The following NALF1 variants were observed in gnomAD, a reference collection of about 807,000 sequenced individuals.
The protein encoded by NALF1 is NALCN channel auxiliary factor 1, also known as family with sequence similarity 155 member A.
Under a neutral mutation model 48.4 loss-of-function variants are expected in NALF1, and 3 were observed. That is an observed-to-expected ratio of 0.06 (90% confidence interval 0.03 to 0.16). The LOEUF (loss-of-function observed/expected upper bound fraction) is 0.16. Ranked by LOEUF, NALF1 falls within the 10% of genes least tolerant of loss-of-function variation. NALF1 has a pLI of 1.00. For synonymous variants in NALF1, 262 were observed against 245.7 expected (o/e 1.07, Z -0.62); for missense variants, 526 against 571.5 (o/e 0.92, Z 0.81).
intron 1 of NALF1, among the ~76,000 whole-genome samples, chr13:107,818,691 T>C (rs1879250429): frequency 6.7e-6 from 1 of 150,110 alleles, no homozygotes; most frequent in East Asian, 2.0e-4. Flanking sequence ...GCTAACACGG[T>C]GAAACCCCGT....
chr13:107,699,466 C>A (rs4772911), intron 1 of NALF1, among the ~76,000 whole-genome samples: 142,833 of 152,190 alleles, frequency 0.94, 67,503 homozygotes, highest in Non-Finnish European at 1. Flanking sequence ...TAAAACAGGC[C>A]ACTGAAAGGA....
Position 107,569,966 on chromosome 13 carries a change from T to C in NALF1, c.915+295716A>G, listed in dbSNP as rs138817607. Among the ~76,000 whole-genome samples, 28 of 152,256 alleles carry C rather than the reference T, an allele frequency of 1.8e-4. 1 individual carries two copies. The East Asian group carries it at 5.4e-3, about 29-fold the overall frequency. On this transcript the variant is annotated intron_variant, in intron 1 of 2. Transcript: ENST00000375915. ...CCTTTGAAAAACTGCAAAGACATTG[T>C]ATTTTTTTTAAAAAAAATCTCTGTT...
chr13:107,647,691 A>G (rs1371948631), intron 1 of NALF1, among the ~76,000 whole-genome samples: 1 of 152,106 alleles, frequency 6.6e-6, no homozygotes, highest in African/African-American at 2.4e-5. Flanking sequence ...TCAATTTGTC[A>G]TAAATAAATA....
chr13:107,784,005 C>T (rs1031518120), intron 1 of NALF1, among the ~76,000 whole-genome samples: 49 of 152,084 alleles, frequency 3.2e-4, no homozygotes, highest in African/African-American at 1.0e-3. Flanking sequence ...GCTGATTCCA[C>T]ACAACCGCTC....
chr13:107,555,787 T>C (rs545807429), intron 1 of NALF1, among the ~76,000 whole-genome samples: 1 of 152,170 alleles, frequency 6.6e-6, no homozygotes, highest in African/African-American at 2.4e-5. Context: ...GGGGAAAGCC[T>C]CTTTCAAATA....
chr13:107,305,266 G>A (rs528712143), intron 1 of NALF1, among the ~76,000 whole-genome samples: 2 of 152,236 alleles, frequency 1.3e-5, no homozygotes, highest in Non-Finnish European at 2.9e-5. Context: ...TTGCATTAAA[G>A]AAAACCACAT....
At chr13:107,778,260 C>T (rs769513570) in intron 1 of NALF1, among the ~76,000 whole-genome samples, 1 of 152,140 alleles carries the variant, frequency 6.6e-6, no homozygotes. Context: ...CTTCCTCCAT[C>T]CCTTGGTGTA....
chr13:107,430,513 C>T (rs1396831304), intron 1 of NALF1, among the ~76,000 whole-genome samples: 5 of 152,008 alleles, frequency 3.3e-5, no homozygotes, highest in African/African-American at 7.2e-5. Context: ...TGTGTTCTCA[C>T]TGTTCAATTC....
chr13:107,758,744 A>C (rs2138559379), intron 1 of NALF1, among the ~76,000 whole-genome samples: 1 of 152,282 alleles, frequency 6.6e-6, no homozygotes, highest in South Asian at 2.1e-4. Flanking sequence ...AAAAAGAAAA[A>C]GAAAAGCACG....
chr13:107,467,030 T>C (rs956684131), intron 1 of NALF1, among the ~76,000 whole-genome samples: 2 of 152,226 alleles, frequency 1.3e-5, no homozygotes, highest in South Asian at 4.1e-4. Context: ...CAATGATGCA[T>C]AGTAATTTCT....
At chr13:107,435,207 GGC>G (rs1409080919) in intron 1 of NALF1, among the ~76,000 whole-genome samples, 1 of 151,978 alleles carries the variant, frequency 6.6e-6, no homozygotes, top group Non-Finnish European at 1.5e-5. Context: ...GAACAAAATA[GGC>G]ATGTTCCTAT....
chr13:107,814,467 A>C (rs138091552), intron 1 of NALF1, among the ~76,000 whole-genome samples: 1 of 152,304 alleles, frequency 6.6e-6, no homozygotes, highest in Non-Finnish European at 1.5e-5. Context: ...AATAGTTTAA[A>C]AGTAAAAGGC....
chr13:107,629,979 G>A (rs1213332769), intron 1 of NALF1, among the ~76,000 whole-genome samples: 4 of 151,752 alleles, frequency 2.6e-5, no homozygotes, highest in South Asian at 2.1e-4. Context: ...CTAAAATATC[G>A]ATCATTCATC....
At chr13:107,250,379 T>C (rs1880673590) in intron 1 of NALF1, among the ~76,000 whole-genome samples, 1 of 152,118 alleles carries the variant, frequency 6.6e-6, no homozygotes, top group African/African-American at 2.4e-5. Flanking sequence ...GTATTCAAAA[T>C]ATTGCCCTCA....
intron 1 of NALF1, among the ~76,000 whole-genome samples, chr13:107,553,048 CATAAAT>C (rs1448606210): frequency 1.3e-5 from 2 of 151,940 alleles, no homozygotes; most frequent in Non-Finnish European, 2.9e-5. Context: ...GCTCAGCTCT[CATAAAT>C]ATAAATAGAT....
intron 1 of NALF1, among the ~76,000 whole-genome samples, chr13:107,812,785 C>A (rs543559563): frequency 6.6e-6 from 1 of 151,754 alleles, no homozygotes; most frequent in African/African-American, 2.4e-5. Flanking sequence ...TGTTGTTTTT[C>A]ATTTTTTTTG....
At chr13:107,552,027 T>C (rs1877308634) in intron 1 of NALF1, among the ~76,000 whole-genome samples, 1 of 152,120 alleles carries the variant, frequency 6.6e-6, no homozygotes. Context: ...AAGTAAAAAT[T>C]ATGAAAGTAA....
In NALF1 at chr13:107,493,425, A is replaced by T. The variant is rs117966621; in HGVS notation, c.916-282670T>A. On this transcript the variant is annotated intron_variant, in intron 1 of 2. Transcript: ENST00000375915. ...TTGACTTGGAGTCTTAGTGGATGAA[A>T]GTGCATGAGGTTAACTATATCACCT... Among the ~76,000 whole-genome samples, 411 of 152,236 alleles carry T rather than the reference A, an allele frequency of 2.7e-3. 4 individuals carry two copies. The East Asian group carries it at 0.039, about 15-fold the overall frequency.
chr13:107,617,626 C>G (rs1447627554), intron 1 of NALF1, among the ~76,000 whole-genome samples: 7 of 152,132 alleles, frequency 4.6e-5, no homozygotes, highest in African/African-American at 1.7e-4. Context: ...AACTCAAAAG[C>G]CACCAACTGA....
Sources: allele counts gnomAD v4.1 joint callset (sites outside exome capture counted in the v4.1 genomes callset), GRCh38; gene constraint gnomAD v4.1.1; transcripts MANE v1.5; gene names NCBI Gene and HGNC (gene_info 2026-07-23, HGNC 2026-07-21).